Variants in FGGY observed in about 807,000 individuals in gnomAD.
The protein encoded by FGGY is FGGY carbohydrate kinase domain-containing protein.
In FGGY, 72 loss-of-function variants were observed where a neutral mutation model predicts 71.3. That is an observed-to-expected ratio of 1.01 (90% CI 0.84 to 1.23). The LOEUF is 1.23. Among genes scored for constraint, FGGY ranks in the 50% most tolerant of loss-of-function variants. FGGY has a pLI of 0.00. For synonymous variants in FGGY, 251 were observed against 250.3 expected (o/e 1.00, Z -0.02); for missense variants, 668 against 682.3 (o/e 0.98, Z 0.23).
chr1:59,317,808 T>C (rs1191100245), intron 1 of FGGY, among the ~76,000 whole-genome samples: 1 of 152,160 alleles, frequency 6.6e-6, no homozygotes, highest in Non-Finnish European at 1.5e-5. Flanking sequence ...TAGAAAAACA[T>C]GAACTGGGTG....
intron 14 of FGGY, among the ~76,000 whole-genome samples, chr1:59,709,260 T>C (rs113855963): frequency 2.1e-4 from 32 of 152,324 alleles, no homozygotes; most frequent in African/African-American, 7.5e-4. Context: ...AGGCACATTC[T>C]TCACAAGACA....
intron 8 of FGGY, among the ~76,000 whole-genome samples, chr1:59,570,399 T>G (rs935942180): frequency 1.3e-5 from 2 of 152,154 alleles, no homozygotes; most frequent in Non-Finnish European, 2.9e-5. Flanking sequence ...GAAAACAAGT[T>G]TGAGAATCAG....
chr1:59,709,827 C>T (rs1365130740), intron 14 of FGGY, among the ~76,000 whole-genome samples: 1 of 152,214 alleles, frequency 6.6e-6, no homozygotes, highest in Non-Finnish European at 1.5e-5. Context: ...TCTGTCTCAA[C>T]CTATGGCTGA....
At chr1:59,352,711 C>T (rs77031294) in intron 4 of FGGY, among the ~76,000 whole-genome samples, 2,368 of 152,246 alleles carry the variant, frequency 0.016, 33 homozygotes, top group East Asian at 0.05. Context: ...AACCCTGCTG[C>T]AGGTCAGGGA....
chr1:59,517,517 G>A (rs1570555210), intron 7 of FGGY, among the ~76,000 whole-genome samples: 1 of 151,884 alleles, frequency 6.6e-6, no homozygotes, highest in South Asian at 2.1e-4. Flanking sequence ...CGCCCGCCTC[G>A]GCCTCCCAAT....
At position 59,674,121 on chromosome 1, in the gene FGGY, C is replaced by T. The variant is rs115951404; in HGVS notation, c.1500C>T (p.Phe500=). Residue 500 remains phenylalanine (F), a synonymous_variant, in exon 14 of 16, where the codon TTC becomes TTT. Coordinates refer to ENST00000303721, the MANE Select transcript of FGGY (RefSeq NM_018291.5). Reference sequence around the variant, plus strand: ...TGGGTGCCTGTGCCTCAGGGGATTTCGCTTCTGTACAGGTATGTGAAGACC... The same window carrying T: ...TGGGTGCCTGTGCCTCAGGGGATTTTGCTTCTGTACAGGTATGTGAAGACC... The part of the protein sequence containing the change: ...AVLGACASGD[F]ASVQEAMAKM... 54 of 1,613,516 alleles carry T rather than the reference C, an allele frequency of 3.3e-5. No individual in the cohort carries two copies. Among genetic ancestry groups the T allele is most frequent in the South Asian group, 8.8e-5 (8 of 90,962 alleles).
chr1:59,605,886 A>T (rs1223263014), intron 8 of FGGY, among the ~76,000 whole-genome samples: 1 of 152,168 alleles, frequency 6.6e-6, no homozygotes, highest in Admixed American at 6.5e-5. Flanking sequence ...GAAATATATA[A>T]ATGAATAGAT....
chr1:59,300,626 T>G (rs1230991609), intron 1 of FGGY, among the ~76,000 whole-genome samples: 2 of 152,224 alleles, frequency 1.3e-5, no homozygotes, highest in African/African-American at 4.8e-5. Flanking sequence ...TTTTTGGTTT[T>G]ATATTAAATC....
chr1:59,477,869 A>G (rs1014749570), intron 6 of FGGY, among the ~76,000 whole-genome samples: 1 of 152,176 alleles, frequency 6.6e-6, no homozygotes, highest in Non-Finnish European at 1.5e-5. Context: ...GCAATGTCAT[A>G]GGTTGTTCTG....
chr1:59,326,685 T>A (rs1313493763), intron 2 of FGGY, among the ~76,000 whole-genome samples: 1 of 152,192 alleles, frequency 6.6e-6, no homozygotes, highest in Non-Finnish European at 1.5e-5. Context: ...GATGTCTTGA[T>A]ATTCATTTTT....
chr1:59,651,241 G>A (rs1477695723), intron 11 of FGGY, among the ~76,000 whole-genome samples: 2 of 152,198 alleles, frequency 1.3e-5, no homozygotes, highest in Non-Finnish European at 2.9e-5. Context: ...ATTTGGGGGT[G>A]GAGAGTTCTG....
intron 5 of FGGY, among the ~76,000 whole-genome samples, chr1:59,417,378 A>T (rs1283980155): frequency 1.3e-5 from 2 of 152,244 alleles, no homozygotes; most frequent in Non-Finnish European, 2.9e-5. Flanking sequence ...ACTGTGACTA[A>T]TGCTGCTGTG....
At chr1:59,530,440 C>CA (rs1217351199) in intron 7 of FGGY, among the ~76,000 whole-genome samples, 3 of 152,178 alleles carry the variant, frequency 2.0e-5, no homozygotes, top group Admixed American at 6.5e-5. Flanking sequence ...TCTCTGTCCT[C>CA]AAAGAGCTCC....
At chr1:59,528,488 GT>G (rs1558231765) in intron 7 of FGGY, among the ~76,000 whole-genome samples, 2 of 152,222 alleles carry the variant, frequency 1.3e-5, no homozygotes, top group African/African-American at 4.8e-5. Flanking sequence ...GTTAACAGCT[GT>G]AGATGATTTT....
At chr1:59,462,123 G>C (rs556708968) in intron 6 of FGGY, among the ~76,000 whole-genome samples, 1 of 152,152 alleles carries the variant, frequency 6.6e-6, no homozygotes, top group East Asian at 1.9e-4. Flanking sequence ...TAGATCAATG[G>C]AACAGAACAG....
chr1:59,464,523 C>T (rs926918073), intron 6 of FGGY, among the ~76,000 whole-genome samples: 6 of 151,876 alleles, frequency 4.0e-5, no homozygotes, highest in African/African-American at 1.5e-4. Context: ...ATTAGCAGAA[C>T]GGAAGGAGAT....
chr1:59,392,862 T>G (rs1346555468), intron 5 of FGGY, among the ~76,000 whole-genome samples: 3 of 152,236 alleles, frequency 2.0e-5, no homozygotes, highest in Non-Finnish European at 4.4e-5. Context: ...AGAAGATTGC[T>G]TTTCCTTTTG....
At chr1:59,623,388 A>G (rs955450311) in intron 9 of FGGY, among the ~76,000 whole-genome samples, 1 of 152,158 alleles carries the variant, frequency 6.6e-6, no homozygotes, top group Admixed American at 6.6e-5. Context: ...AATTTAACCT[A>G]CAGTAATCCT....
At chr1:59,438,478 C>A (rs1221444362) in intron 5 of FGGY, among the ~76,000 whole-genome samples, 2 of 152,174 alleles carry the variant, frequency 1.3e-5, no homozygotes, top group Non-Finnish European at 2.9e-5. Context: ...CTGTTCCTCT[C>A]CTTGTGCTTT....
Sources: gnomAD v4.1 joint callset for allele counts (sites outside exome capture counted in the v4.1 genomes callset) on GRCh38, gnomAD v4.1.1 for gene constraint, MANE v1.5 for transcripts, NCBI Gene and HGNC (gene_info 2026-07-23, HGNC 2026-07-21) for gene names.